FBLN1: variants seen among roughly 807,000 people sequenced by gnomAD.
FBLN1 encodes fibulin 1, also known as fibulin-1.
FBLN1 carries 34 observed loss-of-function variants against 89.7 expected under a neutral mutation model. The ratio of observed to expected loss-of-function variants is 0.38; its 90% CI spans 0.29 to 0.50. The LOEUF (loss-of-function observed/expected upper bound fraction) is 0.50. FBLN1 is among the 20% of genes least tolerant of loss of function. FBLN1 has a pLI of 0.92. For missense variants in FBLN1, 777 were observed against 988.1 expected (o/e 0.79, Z 2.86); for synonymous variants, 393 against 391.3 (o/e 1.00, Z -0.05).
rs1020234797 is a variant in FBLN1 at position 45,590,638 on chromosome 22, C to G, written c.1973-9669C>G. Among the ~76,000 whole-genome samples, 1 of 152,038 alleles carries G rather than the reference C, an allele frequency of 6.6e-6. No individual in the cohort carries two copies. The highest frequency in any genetic ancestry group is 2.1e-4 in the South Asian group (1 of 4,816). On this transcript the variant is annotated intron_variant, in intron 16 of 16. Transcript: ENST00000327858. This position sits in a 1 kb window ranked among gnomAD's most constrained non-coding sequence, Gnocchi z 4.1. ...ACGTGTTCAGGTAGATGCGACGAGG[C>G]CGGAACTGAGGCCAGGTGGGGTTGT...
At chr22:45,554,338 T>C (rs529310406) in intron 14 of FBLN1, among the ~76,000 whole-genome samples, 3 of 152,160 alleles carry the variant, frequency 2.0e-5, no homozygotes. Flanking sequence ...AGCTCTCAGA[T>C]CGCCTGGAGC....
At chr22:45,600,254 T>C (rs1456200662) in intron 16 of FBLN1, 53 bp from the exon 17 acceptor site, 2 of 1,611,870 alleles carry the variant, frequency 1.2e-6, no homozygotes, top group South Asian at 1.1e-5. Flanking sequence ...CCCAGATCTC[T>C]ACGTTGCTGC....
intron 10 of FBLN1, among the ~76,000 whole-genome samples, chr22:45,542,908 G>A (rs1467717221): frequency 6.6e-6 from 1 of 152,250 alleles, no homozygotes; most frequent in Non-Finnish European, 1.5e-5. Flanking sequence ...CAGCGCGGCA[G>A]TCCCGGCTCT....
In FBLN1 at chr22:45,532,929, C is replaced by T. The variant is rs1170379515; in HGVS notation, c.545-134C>T. 31 of 771,972 alleles carry T rather than the reference C, an allele frequency of 4.0e-5. No individual in the cohort carries two copies. The highest frequency in any genetic ancestry group is 5.2e-5 in the Non-Finnish European group (24 of 457,506). 47.8% of individuals were successfully genotyped at this position (771,972 alleles called of 1,614,324 possible). A position where few individuals can be genotyped will look rare whatever the true frequency, so the allele number is the denominator to read the frequency against. On this transcript the variant is annotated intron_variant, in intron 5 of 16. Coordinates refer to ENST00000327858, the MANE Select transcript of FBLN1 (RefSeq NM_006486.3). This position sits in a 1 kb window ranked among gnomAD's most constrained non-coding sequence, Gnocchi z 4.2. ...GTCTCCCAGTAGGGCAGCAGGTGGG[C>T]TCCAGCCAGGTCAGCCTGCCTTCCT...
At chr22:45,516,487 G>C (rs1260679629) in intron 1 of FBLN1, among the ~76,000 whole-genome samples, 1 of 152,230 alleles carries the variant, frequency 6.6e-6, no homozygotes, top group African/African-American at 2.4e-5. Flanking sequence ...GAATGAATGA[G>C]TGAATGGGGA....
intron 1 of FBLN1, among the ~76,000 whole-genome samples, chr22:45,512,266 G>A (rs1177492380): frequency 1.3e-5 from 2 of 152,046 alleles, no homozygotes; most frequent in Non-Finnish European, 2.9e-5. Flanking sequence ...CCTAGGGTTT[G>A]TGTACAAATG....
At chr22:45,594,465 C>T (rs994437086) in intron 16 of FBLN1, among the ~76,000 whole-genome samples, 1 of 152,150 alleles carries the variant, frequency 6.6e-6, no homozygotes, top group Non-Finnish European at 1.5e-5. Flanking sequence ...TTCCTGCTTC[C>T]TTGGCTCATA....
In FBLN1 at chr22:45,572,393, C is replaced by G. The variant is rs1233610059; in HGVS notation, c.1698-2118C>G. On this transcript the variant is annotated intron_variant, in intron 14 of 16. Coordinates refer to ENST00000327858, the MANE Select transcript of FBLN1 (RefSeq NM_006486.3). The surrounding 1 kb of genome is among the most constrained non-coding windows in gnomAD (Gnocchi z 5.8). Reference sequence around the variant, plus strand: ...GGATAAAAATTGCAGAGGATCAAACCTCATCGGAGTGGCTTCCATCATGGG... The same window carrying G: ...GGATAAAAATTGCAGAGGATCAAACGTCATCGGAGTGGCTTCCATCATGGG... Among the ~76,000 whole-genome samples the G allele has an allele frequency of 6.6e-6, 1 of 152,154 alleles. No homozygotes were observed. Among genetic ancestry groups the G allele is most frequent in the African/African-American group, 2.4e-5 (1 of 41,430 alleles).
chr22:45,559,594 A>G (rs2088828248), intron 14 of FBLN1, among the ~76,000 whole-genome samples: 1 of 152,170 alleles, frequency 6.6e-6, no homozygotes. Flanking sequence ...AAATGACCAC[A>G]GGATGAGTCC....
At chr22:45,541,116 C>A in intron 8 of FBLN1, 113 bp from the exon 9 acceptor site, 2 of 1,380,038 alleles carry the variant, frequency 1.4e-6, no homozygotes, top group Non-Finnish European at 1.0e-6. Context: ...TGAGCCCCTC[C>A]ATTTGTGGTT....
In FBLN1 at chr22:45,518,747, G is replaced by A. The variant is rs1213342001; in HGVS notation, c.145G>A (p.Asp49Asn). 6.2e-7 allele frequency: 1 copy of A among 1,612,468 alleles called. No homozygotes were observed. Among genetic ancestry groups the A allele is most frequent in the Admixed American group, 1.7e-5 (1 of 59,890 alleles). The change falls in exon 2 of 17, where the codon GAC (aspartate) becomes AAC (asparagine). Residue 49 changes from aspartate (D) to asparagine (N), a missense_variant. By Grantham distance (23) the Asp-to-Asn change is conservative. Coordinates refer to ENST00000327858, the MANE Select transcript of FBLN1 (RefSeq NM_006486.3). ...DGHRMATHQKDCSLPYATESK... is the reference protein window; with the variant it reads ...DGHRMATHQKNCSLPYATESK... Reference sequence around the variant, plus strand: ...ACACCGGATGGCCACTCATCAGAAGGACTGCTCGCTGCCATATGCTACGGA... The same window carrying A: ...ACACCGGATGGCCACTCATCAGAAGAACTGCTCGCTGCCATATGCTACGGA...
At chr22:45,599,650 G>A (rs1358951882) in intron 16 of FBLN1, among the ~76,000 whole-genome samples, 1 of 152,158 alleles carries the variant, frequency 6.6e-6, no homozygotes, top group Non-Finnish European at 1.5e-5. Context: ...AGTCACGGTC[G>A]CTCATGCCTG....
intron 16 of FBLN1, among the ~76,000 whole-genome samples, chr22:45,592,192 A>AT (rs1469681558): frequency 1.4e-4 from 22 of 152,264 alleles, no homozygotes; most frequent in Admixed American, 1.4e-3. Flanking sequence ...CCTAACTGCG[A>AT]TGGGGGCTGA....
intron 14 of FBLN1, among the ~76,000 whole-genome samples, chr22:45,553,038 C>T (rs772178375): frequency 2.0e-4 from 31 of 152,274 alleles, no homozygotes; most frequent in Admixed American, 3.9e-4. Context: ...GGGTGTAACA[C>T]GGTGGACGGT....
chr22:45,592,229 T>G (rs927048704), intron 16 of FBLN1, among the ~76,000 whole-genome samples: 1 of 152,222 alleles, frequency 6.6e-6, no homozygotes, highest in Admixed American at 6.5e-5. Context: ...ATAGGGTCTC[T>G]CTGTCTCCAC....
intron 14 of FBLN1, among the ~76,000 whole-genome samples, chr22:45,555,426 A>G (rs182331861): frequency 2.0e-5 from 3 of 152,018 alleles, no homozygotes; most frequent in African/African-American, 7.3e-5. Context: ...AAAAATGAAG[A>G]AAAAATGAGT....
intron 1 of FBLN1, among the ~76,000 whole-genome samples, chr22:45,514,889 G>C (rs1287711834): frequency 6.6e-6 from 1 of 152,180 alleles, no homozygotes; most frequent in African/African-American, 2.4e-5. Context: ...CAGGAGCCGT[G>C]GGTGAGAGCA....
Position 45,600,288 on chromosome 22 carries a change from C to T in FBLN1, c.1973-19C>T, listed in dbSNP as rs1338396886. 1 of 1,614,102 alleles carries T rather than the reference C, an allele frequency of 6.2e-7. No individual in the cohort carries two copies. The highest frequency in any genetic ancestry group is 2.2e-5 in the East Asian group (1 of 44,900). On this transcript the variant is annotated intron_variant, in intron 16 of 16. Coordinates refer to ENST00000327858, the MANE Select transcript of FBLN1 (RefSeq NM_006486.3). ...GCAGTCCCTTCTAACTTCCAGCACA[C>T]CTTCTGCTCTCTCCGCAGGTGTCGT...
At chr22:45,596,149 G>A (rs1299280090) in intron 16 of FBLN1, among the ~76,000 whole-genome samples, 10 of 152,242 alleles carry the variant, frequency 6.6e-5, no homozygotes, top group Admixed American at 1.3e-4. Flanking sequence ...GATCACAGGC[G>A]TGAGCCACTA....
Sources: allele counts gnomAD v4.1 joint callset (sites outside exome capture counted in the v4.1 genomes callset), GRCh38; gene constraint gnomAD v4.1.1; non-coding constraint Gnocchi (gnomAD v3.1); transcripts MANE v1.5; gene names NCBI Gene and HGNC (gene_info 2026-07-23, HGNC 2026-07-21).